The following TTC28 variants were observed in gnomAD, a reference collection of about 807,000 sequenced individuals.
TTC28 encodes the protein tetratricopeptide repeat protein 28.
Under a neutral mutation model 198.0 loss-of-function variants are expected in TTC28, and 61 were observed. That is an observed-to-expected ratio of 0.31 (90% CI 0.25 to 0.38). The LOEUF is 0.38. TTC28 is among the 10% of genes least tolerant of loss of function. The pLI is 1.00. For missense variants in TTC28, 2,678 were observed against 3,164.0 expected (o/e 0.85, Z 3.69); for synonymous variants, 1,171 against 1,297.8 (o/e 0.90, Z 2.10).
chr22:28,312,968 G>A (rs2045291202), intron 2 of TTC28, among the ~76,000 whole-genome samples: 1 of 151,806 alleles, frequency 6.6e-6, no homozygotes, highest in Non-Finnish European at 1.5e-5. Context: ...CCACTAGCAA[G>A]AAAAATAAAC....
chr22:28,191,045 T>A (rs1210262304), intron 5 of TTC28, among the ~76,000 whole-genome samples: 1 of 152,176 alleles, frequency 6.6e-6, no homozygotes, highest in South Asian at 2.1e-4. Context: ...CACAATATGA[T>A]TCCAACCTCC....
intron 2 of TTC28, among the ~76,000 whole-genome samples, chr22:28,564,882 AT>A (rs2049946573): frequency 6.8e-6 from 1 of 147,564 alleles, no homozygotes. Context: ...TTTATAATTT[AT>A]TATATAAATA....
At chr22:28,252,348 T>A (rs1235572950) in intron 5 of TTC28, among the ~76,000 whole-genome samples, 1 of 152,202 alleles carries the variant, frequency 6.6e-6, no homozygotes, top group African/African-American at 2.4e-5. Flanking sequence ...TACTGAAATG[T>A]GCTCAGCAGA....
At chr22:28,459,751 T>C (rs920349153) in intron 2 of TTC28, 1 of 152,134 alleles carries the variant, frequency 6.6e-6, no homozygotes, top group South Asian at 2.1e-4. Flanking sequence ...GAAATCGGAG[T>C]CAATGCCTGG....
chr22:28,418,832 T>C (rs1488391419), intron 2 of TTC28, among the ~76,000 whole-genome samples: 1 of 152,190 alleles, frequency 6.6e-6, no homozygotes, highest in East Asian at 1.9e-4. Flanking sequence ...GACTGAAACA[T>C]GTCCATTTGC....
intron 2 of TTC28, among the ~76,000 whole-genome samples, chr22:28,623,100 GGTGTGAGC>G (rs1442489998): frequency 1.3e-5 from 2 of 152,088 alleles, no homozygotes; most frequent in Non-Finnish European, 2.9e-5. Context: ...TGGGATTACA[GGTGTGAGC>G]CACCATGCCC....
intron 2 of TTC28, among the ~76,000 whole-genome samples, chr22:28,311,146 T>A (rs555863573): frequency 6.6e-6 from 1 of 152,272 alleles, no homozygotes; most frequent in East Asian, 1.9e-4. Context: ...TGAAGAATAA[T>A]TATTTCTAAT....
intron 3 of TTC28, among the ~76,000 whole-genome samples, chr22:28,302,379 G>A (rs779201072): frequency 5.9e-5 from 9 of 152,086 alleles, no homozygotes; most frequent in African/African-American, 2.2e-4. Flanking sequence ...ACACCACTAC[G>A]CCTGCCCTAA....
chr22:28,677,436 C>CT (rs2052016161), intron 1 of TTC28, among the ~76,000 whole-genome samples: 1 of 151,822 alleles, frequency 6.6e-6, no homozygotes, highest in Non-Finnish European at 1.5e-5. Context: ...CACCAGAGGC[C>CT]AGGAGTTCCA....
chr22:28,558,903 C>T (rs1006106392), intron 2 of TTC28, among the ~76,000 whole-genome samples: 8 of 151,224 alleles, frequency 5.3e-5, no homozygotes, highest in South Asian at 2.1e-4. Context: ...GGTATGGTGG[C>T]GGGCACCTGT....
At chr22:28,347,609 T>A (rs134502) in intron 2 of TTC28, among the ~76,000 whole-genome samples, 1 of 152,202 alleles carries the variant, frequency 6.6e-6, no homozygotes, top group Admixed American at 6.5e-5. Context: ...CAGTGGCTCA[T>A]GCCTGTAATC....
intron 6 of TTC28, among the ~76,000 whole-genome samples, chr22:28,150,329 TA>T (rs1230555515): frequency 2.6e-5 from 4 of 152,352 alleles, no homozygotes; most frequent in African/African-American, 9.6e-5. Context: ...TCTTCATCTC[TA>T]AATATTATCT....
At chr22:28,523,858 A>T (rs1005775590) in intron 2 of TTC28, among the ~76,000 whole-genome samples, 2 of 152,198 alleles carry the variant, frequency 1.3e-5, no homozygotes, top group Non-Finnish European at 2.9e-5. Context: ...GTTTTATAAA[A>T]TGCTTAATAA....
intron 14 of TTC28, 115 bp from the exon 15 acceptor site, chr22:28,001,668 G>T: frequency 4.1e-6 from 5 of 1,225,560 alleles, no homozygotes; most frequent in Non-Finnish European, 5.6e-6. Context: ...GGTGAGGCCT[G>T]TGGGGGTGTG....
chr22:28,072,905 T>C (rs189821589), intron 12 of TTC28, among the ~76,000 whole-genome samples: 7 of 152,160 alleles, frequency 4.6e-5, no homozygotes, highest in African/African-American at 1.7e-4. Flanking sequence ...CTGGGGCTGA[T>C]GTGTGCAGGA....
chr22:28,174,511 A>G (rs1922971906), intron 5 of TTC28, among the ~76,000 whole-genome samples: 1 of 152,226 alleles, frequency 6.6e-6, no homozygotes, highest in African/African-American at 2.4e-5. Flanking sequence ...GAAGACCAGC[A>G]TATGATTCAT....
At chr22:28,157,223 A>C (rs1943769048) in intron 6 of TTC28, among the ~76,000 whole-genome samples, 1 of 152,224 alleles carries the variant, frequency 6.6e-6, no homozygotes, top group African/African-American at 2.4e-5. Flanking sequence ...AAATTCCTAG[A>C]CACATACAAC....
At chr22:28,552,702 A>C (rs998811047) in intron 2 of TTC28, among the ~76,000 whole-genome samples, 1 of 152,076 alleles carries the variant, frequency 6.6e-6, no homozygotes, top group Non-Finnish European at 1.5e-5. Flanking sequence ...CTGGATCCTC[A>C]TCTCTCACCT....
intron 2 of TTC28, among the ~76,000 whole-genome samples, chr22:28,578,775 T>C (rs577328162): frequency 1.2e-4 from 18 of 152,114 alleles, no homozygotes; most frequent in Non-Finnish European, 2.6e-4. Context: ...GAACTTTACA[T>C]TGAAACTCAG....
Sources: allele counts gnomAD v4.1 joint callset (sites outside exome capture counted in the v4.1 genomes callset), GRCh38; gene constraint gnomAD v4.1.1; transcripts MANE v1.5; gene names NCBI Gene and HGNC (gene_info 2026-07-23, HGNC 2026-07-21).